INSIG2: variants seen among roughly 807,000 people sequenced by gnomAD.
INSIG2 encodes insulin induced gene 2.
In INSIG2, 10 loss-of-function variants were observed where a neutral mutation model predicts 27.2. The observed-to-expected ratio is 0.37, with a 90% CI of 0.23 to 0.62. The LOEUF is 0.62. Among genes scored for constraint, INSIG2 ranks in the 20% least tolerant of loss-of-function variants. INSIG2 has a pLI of 0.65. For synonymous variants in INSIG2, 97 were observed against 95.8 expected, an observed-to-expected ratio of 1.01 and a Z score of -0.07; for missense variants, 178 against 270.2, an observed-to-expected ratio of 0.66 and a Z score of 2.39.
At chr2:118,101,495 A>G (rs1272109998) in intron 2 of INSIG2, among the ~76,000 whole-genome samples, 1 of 152,196 alleles carries the variant, frequency 6.6e-6, no homozygotes, top group African/African-American at 2.4e-5. Flanking sequence ...CCTAGGCATC[A>G]GTTGCTCAGG....
In INSIG2 at chr2:118,107,176, G is replaced by A. The variant is rs1163800913; in HGVS notation, c.623G>A (p.Arg208Gln). The change falls in exon 5 of 6, where the codon CGA becomes CAA. Residue 208 changes from arginine to glutamine, a missense_variant. Physicochemically the swap from Arg to Gln is conservative, Grantham distance 43. Coordinates refer to ENST00000245787, the MANE Select transcript of INSIG2 (RefSeq NM_016133.4). ...AGGITMGNIG[R>Q]QLAMYECKVI... Reference sequence around the variant, plus strand: ...GGCATAACAATGGGAAACATTGGTCGACAACTGGCAATGGTAAGCTGATGC... The same window carrying A: ...GGCATAACAATGGGAAACATTGGTCAACAACTGGCAATGGTAAGCTGATGC... 1.2e-6 allele frequency: 2 copies of A among 1,609,368 alleles called. No homozygotes were observed. Among genetic ancestry groups the A allele is most frequent in the Non-Finnish European group, 8.5e-7 (1 of 1,176,092 alleles).
chr2:118,106,907 A>G lies in INSIG2; in HGVS notation c.536+4A>G. The G allele has an allele frequency of 1.9e-6, 3 of 1,613,616 alleles. No homozygotes were observed. Among genetic ancestry groups the G allele is most frequent in the Non-Finnish European group, 2.5e-6 (3 of 1,179,722 alleles). On this transcript the variant is annotated splice_donor_region_variant and intron_variant, in intron 4 of 5. Transcript: ENST00000245787. Reference sequence around the variant, plus strand: ...TAGTATATAATGGTGTTTACCAGTAAGTATTAATCCTTCAATTTTTGGTGC... The same window carrying G: ...TAGTATATAATGGTGTTTACCAGTAGGTATTAATCCTTCAATTTTTGGTGC...
chr2:118,091,659 C>T (rs867407706), intron 1 of INSIG2, among the ~76,000 whole-genome samples: 1 of 152,146 alleles, frequency 6.6e-6, no homozygotes, highest in South Asian at 2.1e-4. Context: ...TAATTATATA[C>T]TATTGTATTA....
chr2:118,099,402 T>C (rs1297091995), intron 2 of INSIG2, among the ~76,000 whole-genome samples: 1 of 152,198 alleles, frequency 6.6e-6, no homozygotes, highest in African/African-American at 2.4e-5. Context: ...CTAGTGGTGG[T>C]TCTGGTGGGA....
intron 2 of INSIG2, among the ~76,000 whole-genome samples, chr2:118,098,548 C>T (rs1367107652): frequency 6.6e-6 from 1 of 152,170 alleles, no homozygotes; most frequent in Non-Finnish European, 1.5e-5. Flanking sequence ...TGCCACTTTT[C>T]AAGCCTCCAG....
rs375359197 is a variant in INSIG2, at chr2:118,108,374, A to G, written c.*52A>G. On this transcript the variant is annotated 3_prime_UTR_variant, in exon 6 of 6. Coordinates refer to ENST00000245787, the MANE Select transcript of INSIG2 (RefSeq NM_016133.4). ...GAAAAGCAAGATGAAAAGGATGTGA[A>G]ATGGTAGATATACCAACAAAACTTC... is the stretch of plus-strand genomic sequence containing the variant. 2.5e-4 allele frequency: 353 copies of G among 1,392,082 alleles called. No individual in the cohort carries two copies. Among genetic ancestry groups the G allele is most frequent in the Non-Finnish European group, 3.4e-4 (339 of 991,112 alleles). 86.2% of individuals were successfully genotyped at this position (1,392,082 alleles called of 1,614,324 possible). A position where few individuals can be genotyped will look rare whatever the true frequency, so the allele number is the denominator to read the frequency against.
intron 1 of INSIG2, among the ~76,000 whole-genome samples, chr2:118,092,609 C>T (rs1169427568): frequency 6.6e-6 from 1 of 152,090 alleles, no homozygotes; most frequent in African/African-American, 2.4e-5. Flanking sequence ...GGAATCAGAC[C>T]TGAAGTGGAA....
Position 118,109,423 on chromosome 2 carries a change from C to G in INSIG2, c.*1101C>G, listed in dbSNP as rs1263196709. On this transcript the variant is annotated 3_prime_UTR_variant, in exon 6 of 6. Coordinates refer to ENST00000245787, the MANE Select transcript of INSIG2 (RefSeq NM_016133.4). ...GTATCCATTAGTGAATAGTTCAAGT[C>G]TGTTTAAGAGTGTATTGAGATGGCA... 1 of 152,066 alleles carries G rather than the reference C, an allele frequency of 6.6e-6. No individual in the cohort carries two copies. The highest frequency in any genetic ancestry group is 6.5e-5 in the Admixed American group (1 of 15,268). The allele number at this position is 152,066 out of a possible 1,614,324, so 9.4% of individuals were successfully genotyped here.
chr2:118,107,552 G>A (rs1353061477), intron 5 of INSIG2, among the ~76,000 whole-genome samples: 1 of 152,110 alleles, frequency 6.6e-6, no homozygotes, highest in Non-Finnish European at 1.5e-5. Context: ...GTATACATTA[G>A]GACCACCTCT....
At chr2:118,103,377 A>T (rs1678597253) in intron 3 of INSIG2, 56 bp downstream of exon 3, 1 of 1,494,912 alleles carries the variant, frequency 6.7e-7, no homozygotes, top group African/African-American at 1.4e-5. Flanking sequence ...CAACAAACCA[A>T]AGGTTAAACA....
At chr2:118,100,638 A>G (rs535934442) in intron 2 of INSIG2, among the ~76,000 whole-genome samples, 99 of 152,198 alleles carry the variant, frequency 6.5e-4, no homozygotes, top group African/African-American at 2.3e-3. Context: ...TCGGCCTCTC[A>G]AAGTGCTGGG....
chr2:118,098,124 C>T (rs897951562), intron 2 of INSIG2, among the ~76,000 whole-genome samples: 2 of 152,194 alleles, frequency 1.3e-5, no homozygotes, highest in East Asian at 3.9e-4. Context: ...TACTGGTCCT[C>T]ATGCATTTTT....
chr2:118,095,042 T>C (rs1678374831), intron 1 of INSIG2, among the ~76,000 whole-genome samples: 1 of 152,238 alleles, frequency 6.6e-6, no homozygotes, highest in Non-Finnish European at 1.5e-5. Context: ...TCTGGGTGCA[T>C]AGGCACAGTG....
intron 1 of INSIG2, among the ~76,000 whole-genome samples, chr2:118,095,220 T>A (rs1678377863): frequency 6.6e-6 from 1 of 152,216 alleles, no homozygotes; most frequent in Non-Finnish European, 1.5e-5. Flanking sequence ...GTGCCAAAGA[T>A]ATATTGTTGG....
Position 118,107,127 on chromosome 2 carries a change from T to C in INSIG2, c.574T>C (p.Leu192=). The change falls in exon 5 of 6, where the codon TTA becomes CTA. Residue 192 remains leucine, a synonymous_variant. Transcript: ENST00000245787. ...AGATTTCCTCTATGTTCGTTCTTGG[T>C]TACCATGTATATTTTTTGCTGGAGG... ...SPDFLYVRSW[L]PCIFFAGGIT... 2.5e-6 allele frequency: 4 copies of C among 1,613,596 alleles called. No homozygotes were observed. The highest frequency in any genetic ancestry group is 3.4e-6 in the Non-Finnish European group (4 of 1,179,546).
At chr2:118,095,792 C>T (rs543474872) in intron 1 of INSIG2, among the ~76,000 whole-genome samples, 2 of 152,224 alleles carry the variant, frequency 1.3e-5, no homozygotes, top group East Asian at 1.9e-4. Flanking sequence ...TACAGTTGTG[C>T]CCCTGGGGAG....
intron 5 of INSIG2, 48 bp downstream of exon 5, chr2:118,107,237 G>A (rs1392354102): frequency 1.5e-6 from 2 of 1,353,166 alleles, no homozygotes; most frequent in Non-Finnish European, 2.1e-6. Flanking sequence ...CAAATGACAA[G>A]TTTTCTCTAA....
chr2:118,096,972 C>T (rs979272668), intron 2 of INSIG2, among the ~76,000 whole-genome samples, 172 bp downstream of exon 2: 2 of 152,186 alleles, frequency 1.3e-5, no homozygotes, highest in Admixed American at 6.5e-5. Context: ...TAGGCAAATG[C>T]GTACAGTCAC....
chr2:118,100,665 A>G (rs1159249475), intron 2 of INSIG2, among the ~76,000 whole-genome samples: 8 of 152,182 alleles, frequency 5.3e-5, no homozygotes. Flanking sequence ...GGTGTGAGCC[A>G]CCACGCCTGG....
Sources: gnomAD v4.1 joint callset for allele counts (sites outside exome capture counted in the v4.1 genomes callset) on GRCh38, gnomAD v4.1.1 for gene constraint, MANE v1.5 for transcripts, NCBI Gene and HGNC (gene_info 2026-07-23, HGNC 2026-07-21) for gene names.